CCBE1: variants seen among roughly 807,000 people sequenced by gnomAD.
CCBE1 encodes collagen and calcium-binding EGF domain-containing protein 1.
In CCBE1, 37 loss-of-function variants were observed where a neutral mutation model predicts 50.0. That is an observed-to-expected ratio of 0.74 (90% CI 0.57 to 0.97). CCBE1 has a LOEUF of 0.97. Ranked by LOEUF, CCBE1 falls within the 50% of genes least tolerant of loss-of-function variation. CCBE1 has a pLI of 0.00. For missense variants in CCBE1, 538 were observed against 523.8 expected (o/e 1.03, Z -0.26); for synonymous variants, 234 against 203.7 (o/e 1.15, Z -1.27).
At chr18:59,502,957 A>G (rs1377501809) in intron 2 of CCBE1, among the ~76,000 whole-genome samples, 1 of 152,236 alleles carries the variant, frequency 6.6e-6, no homozygotes. Context: ...AACAGTGACC[A>G]ACAAACGGCA....
intron 2 of CCBE1, among the ~76,000 whole-genome samples, chr18:59,658,856 G>T (rs1599109926): frequency 7.7e-6 from 1 of 130,614 alleles, no homozygotes; most frequent in South Asian, 2.4e-4. Flanking sequence ...CTCCAGTCTG[G>T]GCAACAGAGC....
chr18:59,475,089 T>G (rs1198635688), intron 3 of CCBE1, among the ~76,000 whole-genome samples: 1 of 152,232 alleles, frequency 6.6e-6, no homozygotes, highest in Non-Finnish European at 1.5e-5. Flanking sequence ...TTTTGATGCT[T>G]GTTCCCCAGA....
intron 2 of CCBE1, among the ~76,000 whole-genome samples, 196 bp from the exon 3 acceptor site, chr18:59,480,434 G>A (rs1347743684): frequency 1.3e-5 from 2 of 151,948 alleles, no homozygotes; most frequent in Non-Finnish European, 2.9e-5. Context: ...CTAATACCGG[G>A]ATATTCTTTC....
chr18:59,456,223 G>A (rs1292811937), intron 5 of CCBE1, among the ~76,000 whole-genome samples: 1 of 152,194 alleles, frequency 6.6e-6, no homozygotes, highest in Non-Finnish European at 1.5e-5. Flanking sequence ...TAAGAACCAG[G>A]CTCACTTCTT....
chr18:59,693,005 A>ACACAC (rs1555710567), intron 2 of CCBE1, among the ~76,000 whole-genome samples: 2 of 142,136 alleles, frequency 1.4e-5, no homozygotes, highest in South Asian at 2.4e-4. Flanking sequence ...CACACACACA[A>ACACAC]ACAAAAAACG....
At chr18:59,620,014 C>T (rs2053690347) in intron 2 of CCBE1, among the ~76,000 whole-genome samples, 1 of 152,086 alleles carries the variant, frequency 6.6e-6, no homozygotes, top group Non-Finnish European at 1.5e-5. Flanking sequence ...ACTTCCACAG[C>T]TTTTGATCTT....
chr18:59,493,518 C>T (rs993180387), intron 2 of CCBE1, among the ~76,000 whole-genome samples: 24 of 150,750 alleles, frequency 1.6e-4, no homozygotes, highest in Non-Finnish European at 3.2e-4. Context: ...TAAGCATTTT[C>T]CATAGATTAT....
chr18:59,544,710 A>C (rs1462009734), intron 2 of CCBE1, among the ~76,000 whole-genome samples: 1 of 152,126 alleles, frequency 6.6e-6, no homozygotes, highest in Admixed American at 6.5e-5. Context: ...ACAAAGATTC[A>C]TCTGTATGAC....
At chr18:59,684,027 T>C (rs1039412719) in intron 2 of CCBE1, among the ~76,000 whole-genome samples, 4 of 152,160 alleles carry the variant, frequency 2.6e-5, no homozygotes, top group African/African-American at 9.7e-5. Context: ...TTGACCTTAA[T>C]GTGGTCTCTG....
intron 2 of CCBE1, among the ~76,000 whole-genome samples, chr18:59,567,108 C>A (rs1356528350): frequency 1.3e-5 from 2 of 152,082 alleles, no homozygotes; most frequent in African/African-American, 4.8e-5. Context: ...GTTTTAAACG[C>A]ATTTTTTCTT....
At position 59,440,534 on chromosome 18, in the gene CCBE1, C is replaced by A. The variant is rs185148729; in HGVS notation, c.776-718G>T. Among the ~76,000 whole-genome samples the A allele has an allele frequency of 2.4e-4, 37 of 152,262 alleles. 1 individual carries two copies. In the East Asian group the frequency reaches 6.5e-3, roughly 27 times the overall value. ...ATTTTTGATATTTCTATAGGGATGA[C>A]ACATCTAAAACAAGTCTTACTATGT... On this transcript the variant is annotated intron_variant, in intron 7 of 10. Coordinates refer to ENST00000439986, the MANE Select transcript of CCBE1 (RefSeq NM_133459.4).
chr18:59,679,194 T>A (rs1205259170), intron 2 of CCBE1, among the ~76,000 whole-genome samples: 2 of 152,308 alleles, frequency 1.3e-5, no homozygotes, highest in African/African-American at 4.8e-5. Flanking sequence ...ACCATTCTAG[T>A]GGACAGGACA....
chr18:59,673,815 T>A lies in CCBE1; in HGVS notation c.212+22814A>T, dbSNP rs570602571. 2.8e-4 allele frequency among the ~76,000 whole-genome samples: 43 copies of A among 152,316 alleles called. 1 individual carries two copies. The highest frequency in any genetic ancestry group is 1.8e-4 in the Non-Finnish European group (12 of 68,022). Reference sequence around the variant, plus strand: ...GCCAACTTGATCGTGGTAGATAAGCTTTTGGATGTGCTGCTGGATTTGTTT... The same window carrying A: ...GCCAACTTGATCGTGGTAGATAAGCATTTGGATGTGCTGCTGGATTTGTTT... On this transcript the variant is annotated intron_variant, in intron 2 of 10. Transcript: ENST00000439986.
intron 2 of CCBE1, among the ~76,000 whole-genome samples, chr18:59,497,616 G>A (rs985291743): frequency 7.2e-5 from 11 of 152,128 alleles, no homozygotes; most frequent in East Asian, 1.9e-4. Flanking sequence ...TAGGGACACC[G>A]CACTATTCAA....
chr18:59,528,672 CT>C (rs1286918635), intron 2 of CCBE1, among the ~76,000 whole-genome samples: 1 of 152,104 alleles, frequency 6.6e-6, no homozygotes, highest in Non-Finnish European at 1.5e-5. Flanking sequence ...GTTGATGCTA[CT>C]GTTGTTATTG....
chr18:59,438,044 T>A (rs1328217925), intron 10 of CCBE1, 67 bp downstream of exon 10: 1 of 1,546,136 alleles, frequency 6.5e-7, no homozygotes, highest in Admixed American at 1.7e-5. Context: ...GACCAACCTA[T>A]AGGCTCATCA....
At chr18:59,491,014 G>T (rs1274950780) in intron 2 of CCBE1, among the ~76,000 whole-genome samples, 1 of 152,160 alleles carries the variant, frequency 6.6e-6, no homozygotes, top group Non-Finnish European at 1.5e-5. Context: ...CAGCAATATG[G>T]TTCACTGCGA....
At chr18:59,479,999 TCA>T (rs2143770398) in intron 3 of CCBE1, among the ~76,000 whole-genome samples, 185 bp downstream of exon 3, 1 of 152,370 alleles carries the variant, frequency 6.6e-6, no homozygotes, top group East Asian at 1.9e-4. Flanking sequence ...ATGTAATGAT[TCA>T]GACACTGCAC....
intron 2 of CCBE1, among the ~76,000 whole-genome samples, chr18:59,559,662 C>G (rs188984428): frequency 6.6e-6 from 1 of 152,204 alleles, no homozygotes; most frequent in Non-Finnish European, 1.5e-5. Flanking sequence ...CCAAAGACCA[C>G]GTGTGGACTT....
Sources: gnomAD v4.1 joint callset for allele counts (sites outside exome capture counted in the v4.1 genomes callset) on GRCh38, gnomAD v4.1.1 for gene constraint, MANE v1.5 for transcripts, NCBI Gene and HGNC (gene_info 2026-07-23, HGNC 2026-07-21) for gene names.